MAX: variants seen among roughly 807,000 people sequenced by gnomAD.
MAX encodes MYC associated transcriptional regulator X.
In MAX, 3 loss-of-function variants were observed where a neutral mutation model predicts 22.3. That is an observed-to-expected ratio of 0.13 (90% CI 0.06 to 0.35). The LOEUF (loss-of-function observed/expected upper bound fraction) is 0.35. MAX is among the 10% of genes least tolerant of loss of function. The pLI is 1.00. For missense variants in MAX, 119 were observed against 209.4 expected, an observed-to-expected ratio of 0.57 and a Z score of 2.66; for synonymous variants, 72 against 77.7, an observed-to-expected ratio of 0.93 and a Z score of 0.39.
At chr14:65,055,177 T>C (rs2062704064) in intron 3 of MAX, among the ~76,000 whole-genome samples, 1 of 147,280 alleles carries the variant, frequency 6.8e-6, no homozygotes, top group African/African-American at 2.5e-5. Flanking sequence ...TTTACTCAGT[T>C]GGTGGTGTGT....
chr14:65,067,665 C>T (rs55884327), intron 3 of MAX, among the ~76,000 whole-genome samples: 1,596 of 150,280 alleles, frequency 0.011, 12 homozygotes, highest in South Asian at 0.017. Flanking sequence ...CTTGCTCTGT[C>T]GCCCAGGCTA....
intron 3 of MAX, among the ~76,000 whole-genome samples, chr14:65,037,741 ATTATTTATTTATTTATTTATTTAT>A (rs201126999): frequency 6.8e-4 from 90 of 132,716 alleles, no homozygotes; most frequent in African/African-American, 2.1e-3. Flanking sequence ...TTATTTATTT[ATTATTTATTTATTTATTTATTTAT>A]TTATTTATTT....
intron 3 of MAX, among the ~76,000 whole-genome samples, chr14:65,050,321 C>T (rs768782992): frequency 3.3e-5 from 5 of 152,180 alleles, no homozygotes; most frequent in African/African-American, 7.2e-5. Flanking sequence ...GCTGGCCGGG[C>T]GTGGTGGCTC....
chr14:65,056,362 A>G (rs919472957), intron 3 of MAX, among the ~76,000 whole-genome samples: 3 of 152,182 alleles, frequency 2.0e-5, no homozygotes, highest in African/African-American at 7.2e-5. Context: ...ACGTTGTGGT[A>G]TCTGTCTCAT....
chr14:65,013,699 C>T (rs1333438952), intron 3 of MAX, among the ~76,000 whole-genome samples: 1 of 152,138 alleles, frequency 6.6e-6, no homozygotes, highest in Non-Finnish European at 1.5e-5. Context: ...AGGTGTGCAC[C>T]ATCACGCCTG....
At chr14:65,072,366 T>C (rs555594297), downstream of MAX, among the ~76,000 whole-genome samples, 5 of 152,258 alleles carry the variant, frequency 3.3e-5, no homozygotes, top group Admixed American at 6.5e-5. Flanking sequence ...CCCTAGAGCA[T>C]TGGAGGCATG....
rs2063227964 is a variant in MAX at position 65,082,674 on chromosome 14, G to A, written c.172-4638C>T. 6.6e-6 allele frequency among the ~76,000 whole-genome samples: 1 copy of A among 151,998 alleles called. No homozygotes were observed. The highest frequency in any genetic ancestry group is 6.6e-5 in the Admixed American group (1 of 15,264). Reference sequence around the variant, plus strand: ...CCCAGCTACTTGGGAGGCAAAGGTGGGAGGATCTCTTGAGCCCATGGGGCT... The same window carrying A: ...CCCAGCTACTTGGGAGGCAAAGGTGAGAGGATCTCTTGAGCCCATGGGGCT... On this transcript the variant is annotated intron_variant, in intron 3 of 4. Transcript: ENST00000358664. This position sits in a 1 kb window ranked among gnomAD's most constrained non-coding sequence, Gnocchi z 4.8.
At chr14:65,015,395 G>T (rs1252137036) in intron 3 of MAX, 5 of 386,482 alleles carry the variant, frequency 1.3e-5, no homozygotes, top group Admixed American at 1.2e-4. Flanking sequence ...GAACCACCGC[G>T]CCCAGCCTTG....
chr14:65,037,726 CTTATTTATTTATTTATTAT>C (rs1269422429), intron 3 of MAX, among the ~76,000 whole-genome samples: 37 of 117,544 alleles, frequency 3.1e-4, no homozygotes, highest in South Asian at 2.7e-3. Context: ...TGCCCAGCCT[CTTATTTATTTATTTATTAT>C]TTATTTATTT....
intron 3 of MAX, among the ~76,000 whole-genome samples, chr14:65,026,970 T>G (rs1487293500): frequency 6.6e-6 from 1 of 152,144 alleles, no homozygotes; most frequent in Non-Finnish European, 1.5e-5. Flanking sequence ...ATTTACATGT[T>G]CATGATAGGC....
chr14:65,099,221 A>G (rs535550257), intron 2 of MAX, among the ~76,000 whole-genome samples: 23 of 152,200 alleles, frequency 1.5e-4, no homozygotes, highest in Non-Finnish European at 2.2e-4. Flanking sequence ...TGTTTATAAC[A>G]TATCTGCTTT....
At position 65,011,380 on chromosome 14, in the gene MAX, A is replaced by G. The variant is rs1337950230; in HGVS notation, c.172-5096T>C. 6.6e-6 allele frequency among the ~76,000 whole-genome samples: 1 copy of G among 151,312 alleles called. No individual in the cohort carries two copies. The highest frequency in any genetic ancestry group is 1.5e-5 in the Non-Finnish European group (1 of 67,890). ...AGAGGTGGAGGTTGCAGTAAGCTGA[A>G]ATCACACCACTGCACTCCAGCCTGG... On this transcript the variant is annotated intron_variant, in intron 3 of 3. Coordinates refer to the MAX transcript ENST00000341653. The surrounding 1 kb of genome is among the most constrained non-coding windows in gnomAD (Gnocchi z 4.0).
rs1199013561 is a variant in MAX, at chr14:65,078,591, G to A, written c.172-555C>T. On this transcript the variant is annotated intron_variant, in intron 3 of 4. Transcript: ENST00000358664. This position sits in a 1 kb window ranked among gnomAD's most constrained non-coding sequence, Gnocchi z 6.4. ...GTTGCCCAGGCTGGAGTAGAGTGGT[G>A]TGATCTCAGCTCACTGCAACCTCCA... Among the ~76,000 whole-genome samples, 2 of 150,928 alleles carry A rather than the reference G, an allele frequency of 1.3e-5. No individual in the cohort carries two copies. Among genetic ancestry groups the A allele is most frequent in the East Asian group, 3.9e-4 (2 of 5,122 alleles).
At chr14:65,039,328 ACT>A (rs2062289697) in intron 3 of MAX, among the ~76,000 whole-genome samples, 1 of 151,966 alleles carries the variant, frequency 6.6e-6, no homozygotes. Flanking sequence ...GAGATTACTG[ACT>A]CTCACGTAAT....
At chr14:65,010,167 C>T (rs533528352) in intron 3 of MAX, among the ~76,000 whole-genome samples, 32 of 152,306 alleles carry the variant, frequency 2.1e-4, no homozygotes, top group African/African-American at 7.7e-4. Context: ...ATTCTCTCCT[C>T]CCTGATGGCC....
chr14:65,027,142 T>G lies in MAX; in HGVS notation c.172-20858A>C, dbSNP rs1268094484. ...TTGAGTGGAAAGTCTGGGAAAGGTT[T>G]GTGTGGGAAGCACGGGAGACTCTTA... On this transcript the variant is annotated intron_variant, in intron 3 of 3. Transcript: ENST00000341653. The surrounding 1 kb of genome is among the most constrained non-coding windows in gnomAD (Gnocchi z 5.7). 6.6e-6 allele frequency among the ~76,000 whole-genome samples: 1 copy of G among 152,192 alleles called. No individual in the cohort carries two copies. The highest frequency in any genetic ancestry group is 1.5e-5 in the Non-Finnish European group (1 of 68,022).
rs180929384 is a variant in MAX at position 65,099,922 on chromosome 14, A to G, written c.63+1624T>C. On this transcript the variant is annotated intron_variant, in intron 2 of 4. Transcript: ENST00000358664. ...TTATGGAAATATCAGCTCTCAATAAATAAGTTTTCTTAATGCCTATCTGCT... is the reference window on the plus strand; with the variant it reads ...TTATGGAAATATCAGCTCTCAATAAGTAAGTTTTCTTAATGCCTATCTGCT... Among the ~76,000 whole-genome samples, 395 of 152,336 alleles carry G rather than the reference A, an allele frequency of 2.6e-3. 3 individuals are homozygous for G. The highest frequency in any genetic ancestry group is 8.8e-3 in the African/African-American group (367 of 41,572).
chr14:65,078,516 T>C lies in MAX; in HGVS notation c.172-480A>G, dbSNP rs1595132278. Among the ~76,000 whole-genome samples, 1 of 150,354 alleles carries C rather than the reference T, an allele frequency of 6.7e-6. No homozygotes were observed. The highest frequency in any genetic ancestry group is 1.5e-5 in the Non-Finnish European group (1 of 67,550). On this transcript the variant is annotated intron_variant, in intron 3 of 4. Transcript: ENST00000358664. The surrounding 1 kb of genome is among the most constrained non-coding windows in gnomAD (Gnocchi z 6.4). Reference sequence around the variant, plus strand: ...GTGAGCCACTGCGCCCAGCCTGTTGTTGTTGTTGTTGTTGTTGTTTTTTTT... The same window carrying C: ...GTGAGCCACTGCGCCCAGCCTGTTGCTGTTGTTGTTGTTGTTGTTTTTTTT...
chr14:65,012,160 CT>C lies in MAX; in HGVS notation c.172-5877del. Reference sequence around the variant, plus strand: ...GAGCTTCTTTTCTCTGGTTTAGTTGCTCTTTGGAACCAGAGAAGTTGCTGGT... The same window carrying C: ...GAGCTTCTTTTCTCTGGTTTAGTTGCCTTTGGAACCAGAGAAGTTGCTGGT... On this transcript the variant is annotated intron_variant, in intron 3 of 3. Coordinates refer to the MAX transcript ENST00000341653. The surrounding 1 kb of genome is among the most constrained non-coding windows in gnomAD (Gnocchi z 5.0). 1.3e-6 allele frequency: 1 copy of C among 776,632 alleles called. No homozygotes were observed. Among genetic ancestry groups the C allele is most frequent in the Non-Finnish European group, 2.1e-6 (1 of 486,878 alleles). The allele number at this position is 776,632 out of a possible 1,614,324, so 48.1% of individuals were successfully genotyped here. A position where few individuals can be genotyped will look rare whatever the true frequency, so the allele number is the denominator to read the frequency against.
Sources: gnomAD v4.1 joint callset for allele counts (sites outside exome capture counted in the v4.1 genomes callset) on GRCh38, gnomAD v4.1.1 for gene constraint, Gnocchi (gnomAD v3.1) non-coding constraint, MANE v1.5 for transcripts, NCBI Gene and HGNC (gene_info 2026-07-23, HGNC 2026-07-21) for gene names.